The following GRIK3 variants were observed in gnomAD, a reference collection of about 807,000 sequenced individuals.
The protein encoded by GRIK3 is glutamate ionotropic receptor kainate type subunit 3, also known as glutamate receptor ionotropic, kainate 3.
GRIK3 carries 29 observed loss-of-function variants against 102.5 expected under a neutral mutation model. That is an observed-to-expected ratio of 0.28 (90% CI 0.21 to 0.39). The LOEUF (loss-of-function observed/expected upper bound fraction) is 0.39, where lower values mean the gene tolerates loss of function less well. Ranked by LOEUF, GRIK3 falls within the 10% of genes least tolerant of loss-of-function variation. The probability of loss-of-function intolerance (pLI) is 1.00; values close to 1 mark genes in which losing one functional copy is unlikely to be tolerated. For missense variants in GRIK3, 908 were observed against 1,252.4 expected (o/e 0.73, Z 4.15); for synonymous variants, 511 against 504.9 (o/e 1.01, Z -0.16).
At chr1:36,970,737 T>G (rs566416506) in intron 1 of GRIK3, among the ~76,000 whole-genome samples, 10 of 152,236 alleles carry the variant, frequency 6.6e-5, no homozygotes, top group Non-Finnish European at 1.3e-4. Flanking sequence ...TCTTCATTGC[T>G]GGTCATGGGT....
At chr1:37,025,632 A>G (rs747434981) in intron 1 of GRIK3, among the ~76,000 whole-genome samples, 1 of 152,178 alleles carries the variant, frequency 6.6e-6, no homozygotes, top group Non-Finnish European at 1.5e-5. Context: ...TGCAAAGCAG[A>G]TGCAGAAAGG....
chr1:37,018,038 T>C, intron 1 of GRIK3, among the ~76,000 whole-genome samples: 1 of 152,180 alleles, frequency 6.6e-6, no homozygotes, highest in South Asian at 2.1e-4. Context: ...GCCTCACTTC[T>C]CCTTACCCCC....
At chr1:36,929,261 T>C (rs1419726985) in intron 1 of GRIK3, among the ~76,000 whole-genome samples, 4 of 152,048 alleles carry the variant, frequency 2.6e-5, no homozygotes, top group African/African-American at 9.7e-5. Flanking sequence ...AAGGTGCTCA[T>C]TGTGAGCACC....
rs1463317771 is a variant in GRIK3 at position 36,986,013 on chromosome 1, G to C, written c.115+47981C>G. Among the ~76,000 whole-genome samples the C allele has an allele frequency of 2.6e-5, 4 of 152,078 alleles. No homozygotes were observed. In the East Asian group the frequency reaches 7.8e-4, roughly 30 times the overall value. On this transcript the variant is annotated intron_variant, in intron 1 of 15. Transcript: ENST00000373091. ...GACATGCCCGCTCCAGGAGAAGGTA[G>C]AGACGAAATCTCCCTGGAGCACAGC... is the stretch of plus-strand genomic sequence containing the variant.
intron 15 of GRIK3, among the ~76,000 whole-genome samples, chr1:36,802,456 A>G (rs1469749933): frequency 6.6e-6 from 1 of 152,232 alleles, no homozygotes; most frequent in Non-Finnish European, 1.5e-5. Context: ...GCCCAGGGTC[A>G]GGACTGAAGA....
chr1:36,912,058 G>T (rs1206844994), intron 1 of GRIK3, among the ~76,000 whole-genome samples: 2 of 152,070 alleles, frequency 1.3e-5, no homozygotes, highest in Non-Finnish European at 2.9e-5. Context: ...TTCCAGGCAG[G>T]GTGTCCTCAC....
chr1:36,817,007 G>A (rs921012750), intron 13 of GRIK3, 53 bp downstream of exon 13: 71 of 1,263,668 alleles, frequency 5.6e-5, no homozygotes, highest in Non-Finnish European at 7.8e-5. Context: ...GCTCAGTAAA[G>A]GGTCCGGAGA....
At chr1:36,929,679 C>T (rs934884626) in intron 1 of GRIK3, among the ~76,000 whole-genome samples, 1 of 152,186 alleles carries the variant, frequency 6.6e-6, no homozygotes, top group Non-Finnish European at 1.5e-5. Context: ...GCACCATATT[C>T]GAGTCCCTGC....
chr1:36,918,508 C>T (rs772256601), intron 1 of GRIK3, among the ~76,000 whole-genome samples: 38 of 152,072 alleles, frequency 2.5e-4, no homozygotes, highest in Non-Finnish European at 4.6e-4. Context: ...GTGCCAAATG[C>T]TTTATGAACA....
chr1:36,919,552 C>T (rs928241773), intron 1 of GRIK3, among the ~76,000 whole-genome samples: 3 of 152,044 alleles, frequency 2.0e-5, no homozygotes, highest in Non-Finnish European at 2.9e-5. Flanking sequence ...CTGGTTTTGG[C>T]GAACAGGCAG....
intron 1 of GRIK3, among the ~76,000 whole-genome samples, chr1:36,898,898 T>G (rs1641202686): frequency 6.6e-6 from 1 of 152,164 alleles, no homozygotes; most frequent in Non-Finnish European, 1.5e-5. Context: ...GTTAAATGAT[T>G]TTTGACAAAG....
intron 3 of GRIK3, among the ~76,000 whole-genome samples, chr1:36,873,495 C>T (rs1199175027): frequency 6.6e-6 from 1 of 152,112 alleles, no homozygotes; most frequent in Admixed American, 6.6e-5. Flanking sequence ...ACTTCCCGCC[C>T]CTTCCTCCCC....
At chr1:36,988,790 CA>C (rs1019441488) in intron 1 of GRIK3, among the ~76,000 whole-genome samples, 4 of 152,186 alleles carry the variant, frequency 2.6e-5, no homozygotes, top group African/African-American at 9.7e-5. Flanking sequence ...TCACAGATGG[CA>C]AAAGCAGACA....
At chr1:36,811,138 C>T (rs1025848737) in intron 13 of GRIK3, among the ~76,000 whole-genome samples, 1 of 152,142 alleles carries the variant, frequency 6.6e-6, no homozygotes, top group Non-Finnish European at 1.5e-5. Context: ...GTGTGTGAAG[C>T]GTTTAACACA....
intron 1 of GRIK3, among the ~76,000 whole-genome samples, chr1:36,961,803 G>T (rs937879794): frequency 2.0e-5 from 3 of 152,238 alleles, no homozygotes; most frequent in Non-Finnish European, 4.4e-5. Context: ...CTTATCAAGA[G>T]CCCAGAATGT....
chr1:36,994,223 C>T (rs1642391934), intron 1 of GRIK3, among the ~76,000 whole-genome samples: 1 of 152,190 alleles, frequency 6.6e-6, no homozygotes, highest in South Asian at 2.1e-4. Context: ...CCTCTCTGAG[C>T]CTTGGTATCC....
At position 36,966,847 on chromosome 1, in the gene GRIK3, G is replaced by C. The variant is rs142457299; in HGVS notation, c.115+67147C>G. Reference sequence around the variant, plus strand: ...ATCCTGAGAAGAAAATAATAATAGAGCCGGGCATGGTGAGTCCCTCATTCA... The same window carrying C: ...ATCCTGAGAAGAAAATAATAATAGACCCGGGCATGGTGAGTCCCTCATTCA... On this transcript the variant is annotated intron_variant, in intron 1 of 15. Transcript: ENST00000373091. Among the ~76,000 whole-genome samples the C allele has an allele frequency of 4.6e-3, 695 of 152,110 alleles. 7 individuals carry two copies. Among genetic ancestry groups the C allele is most frequent in the African/African-American group, 0.016 (654 of 41,484 alleles).
At chr1:37,019,679 GT>G (rs964809629) in intron 1 of GRIK3, among the ~76,000 whole-genome samples, 16 of 152,130 alleles carry the variant, frequency 1.1e-4, no homozygotes, top group African/African-American at 3.4e-4. Flanking sequence ...CTCCATAAAT[GT>G]TTGGTGAATC....
intron 10 of GRIK3, among the ~76,000 whole-genome samples, chr1:36,828,103 G>A (rs949590301): frequency 6.6e-6 from 1 of 151,958 alleles, no homozygotes; most frequent in East Asian, 1.9e-4. Context: ...CAGGGAGGGT[G>A]TAGAGTGGTG....
Sources: allele counts gnomAD v4.1 joint callset (sites outside exome capture counted in the v4.1 genomes callset), GRCh38; gene constraint gnomAD v4.1.1; transcripts MANE v1.5; gene names NCBI Gene and HGNC (gene_info 2026-07-23, HGNC 2026-07-21).